ALK: variants seen among roughly 807,000 people sequenced by gnomAD.
ALK encodes the protein ALK tyrosine kinase receptor.
In ALK, 74 loss-of-function variants were observed where a neutral mutation model predicts 163.1. The ratio of observed to expected loss-of-function variants is 0.45; its 90% CI spans 0.38 to 0.55. The LOEUF (loss-of-function observed/expected upper bound fraction) is 0.55, where lower values mean the gene tolerates loss of function less well. Among genes scored for constraint, ALK ranks in the 20% least tolerant of loss-of-function variants. The pLI is 0.00. For missense variants in ALK, 2,063 were observed against 2,105.3 expected, an observed-to-expected ratio of 0.98 and a Z score of 0.39; for synonymous variants, 960 against 843.2, an observed-to-expected ratio of 1.14 and a Z score of -2.40.
chr2:29,200,736 T>C (rs1241520528), intron 26 of ALK, among the ~76,000 whole-genome samples: 5 of 116,922 alleles, frequency 4.3e-5, no homozygotes, highest in African/African-American at 9.2e-5. Context: ...TATGTATATA[T>C]ATACGTATAT....
chr2:29,673,058 T>A (rs2148272100), intron 3 of ALK, among the ~76,000 whole-genome samples: 1 of 135,860 alleles, frequency 7.4e-6, no homozygotes, highest in Admixed American at 7.2e-5. Context: ...TTTGAGTTCA[T>A]TGTAGATTCT....
chr2:29,554,800 G>A (rs2148177884), intron 3 of ALK, among the ~76,000 whole-genome samples: 1 of 152,202 alleles, frequency 6.6e-6, no homozygotes, highest in South Asian at 2.1e-4. Context: ...CAAGATACAG[G>A]TCATAAAGAC....
Position 29,717,660 on chromosome 2 carries a change from A to C in ALK, c.705T>G (p.Ser235=), listed in dbSNP as rs1460468330. 1 of 1,613,944 alleles carries C rather than the reference A, an allele frequency of 6.2e-7. No homozygotes were observed. The change falls in exon 2 of 29, where the codon TCT becomes TCG. Residue 235 remains serine (S), a synonymous_variant. Coordinates refer to ENST00000389048, the MANE Select transcript of ALK (RefSeq NM_004304.5). Reference sequence around the variant, plus strand: ...TCCATGTAAAATAATCAGGAGAAGGAGAAGGCATGTTTGTTGGTGATTCCA... The same window carrying C: ...TCCATGTAAAATAATCAGGAGAAGGCGAAGGCATGTTTGTTGGTGATTCCA... ...SSLESPTNMP[S]PSPDYFTWNL... is the part of the protein sequence containing the mutation.
intron 3 of ALK, among the ~76,000 whole-genome samples, chr2:29,623,701 C>A (rs1165837844): frequency 6.6e-6 from 1 of 152,178 alleles, no homozygotes; most frequent in Non-Finnish European, 1.5e-5. Flanking sequence ...ATATAAAATT[C>A]ATCTAGAGTT....
intron 1 of ALK, chr2:29,907,201 ATGGTT>A (rs1229100091): frequency 6.6e-6 from 1 of 152,118 alleles, no homozygotes; most frequent in Non-Finnish European, 1.5e-5. Flanking sequence ...CCTAGATTGA[ATGGTT>A]TTGCTATACA....
chr2:29,220,986 G>T (rs1388145365), intron 22 of ALK, 151 bp from the exon 23 acceptor site: 1 of 1,091,554 alleles, frequency 9.2e-7, no homozygotes, highest in Non-Finnish European at 1.4e-6. Flanking sequence ...CCCGGGCTGA[G>T]CCTAAACCCA....
chr2:29,688,563 C>G (rs1303890927), intron 3 of ALK, among the ~76,000 whole-genome samples: 1 of 152,114 alleles, frequency 6.6e-6, no homozygotes, highest in Non-Finnish European at 1.5e-5. Context: ...GAAACTTGGC[C>G]ATGAACAGAG....
At chr2:29,322,048 G>C (rs1035822635) in intron 6 of ALK, among the ~76,000 whole-genome samples, 48 of 152,254 alleles carry the variant, frequency 3.2e-4, no homozygotes, top group African/African-American at 1.1e-3. Flanking sequence ...TAAGGAGCTA[G>C]TGGCCTATTC....
At chr2:29,214,920 A>G (rs1669560417) in intron 23 of ALK, among the ~76,000 whole-genome samples, 1 of 152,122 alleles carries the variant, frequency 6.6e-6, no homozygotes. Flanking sequence ...CTCCCACAGC[A>G]CCCAGCACAA....
chr2:29,754,524 T>C (rs1358573824), intron 1 of ALK, among the ~76,000 whole-genome samples: 1 of 152,122 alleles, frequency 6.6e-6, no homozygotes, highest in South Asian at 2.1e-4. Flanking sequence ...ACTCCATCTC[T>C]ACAAGAAATT....
intron 3 of ALK, among the ~76,000 whole-genome samples, chr2:29,678,878 T>A (rs1677974992): frequency 6.6e-6 from 1 of 151,752 alleles, no homozygotes; most frequent in South Asian, 2.1e-4. Flanking sequence ...TGGAAAGGTG[T>A]TTATTTGTCA....
rs192419198 is a variant in ALK, at chr2:29,691,123, T to A, written c.952+3727A>T. 3.3e-5 allele frequency among the ~76,000 whole-genome samples: 5 copies of A among 152,328 alleles called. No individual in the cohort carries two copies. The East Asian group carries it at 9.6e-4, about 29-fold the overall frequency. ...TAGGCTGCTTCATGAGGAACAACGC[T>A]ACTTCAGGGAAAGGTAGTGTTATAA... On this transcript the variant is annotated intron_variant, in intron 3 of 28. Transcript: ENST00000389048.
intron 12 of ALK, among the ~76,000 whole-genome samples, chr2:29,245,330 C>T (rs1470202927): frequency 8.5e-6 from 1 of 117,410 alleles, no homozygotes; most frequent in South Asian, 3.1e-4. Flanking sequence ...GTAGGGGCTC[C>T]ATGGCTCAGT....
At chr2:29,434,730 G>A (rs906506790) in intron 4 of ALK, among the ~76,000 whole-genome samples, 1 of 152,126 alleles carries the variant, frequency 6.6e-6, no homozygotes, top group Non-Finnish European at 1.5e-5. Context: ...GCATTGATCA[G>A]CCCCCAACAT....
chr2:29,863,763 T>C (rs1666353966), intron 1 of ALK, among the ~76,000 whole-genome samples: 1 of 152,096 alleles, frequency 6.6e-6, no homozygotes, highest in Non-Finnish European at 1.5e-5. Context: ...GATCCAGCAA[T>C]CCTACTACTG....
chr2:29,781,752 G>A (rs1681336694), intron 1 of ALK, among the ~76,000 whole-genome samples: 1 of 152,170 alleles, frequency 6.6e-6, no homozygotes, highest in South Asian at 2.1e-4. Flanking sequence ...AAAGCTGGGG[G>A]ATCAGGAGAG....
intron 5 of ALK, among the ~76,000 whole-genome samples, chr2:29,369,662 C>G (rs149589612): frequency 6.6e-6 from 1 of 151,844 alleles, no homozygotes; most frequent in Non-Finnish European, 1.5e-5. Context: ...GGAAGAAAGT[C>G]GAGAAGTGAG....
chr2:29,241,335 G>A (rs1004717570), intron 12 of ALK, among the ~76,000 whole-genome samples: 13 of 152,124 alleles, frequency 8.5e-5, no homozygotes, highest in African/African-American at 2.2e-4. Context: ...TGCCCTCTCT[G>A]AGCCCCAGCC....
chr2:29,834,264 T>C (rs1412742107), intron 1 of ALK, among the ~76,000 whole-genome samples: 7 of 152,226 alleles, frequency 4.6e-5, no homozygotes, highest in African/African-American at 1.7e-4. Flanking sequence ...ACAGTATGTT[T>C]ATTGTCTACA....
Sources: allele counts gnomAD v4.1 joint callset (sites outside exome capture counted in the v4.1 genomes callset), GRCh38; gene constraint gnomAD v4.1.1; transcripts MANE v1.5; gene names NCBI Gene and HGNC (gene_info 2026-07-23, HGNC 2026-07-21).